PDZD2: variants seen among roughly 807,000 people sequenced by gnomAD.
PDZD2 encodes PDZ domain-containing protein 2.
PDZD2 carries 90 observed loss-of-function variants against 220.7 expected under a neutral mutation model. That is an observed-to-expected ratio of 0.41 (90% CI 0.34 to 0.49). PDZD2 has a LOEUF of 0.49. Ranked by LOEUF, PDZD2 falls within the 20% of genes least tolerant of loss-of-function variation. PDZD2 has a pLI of 0.28. For synonymous variants in PDZD2, 1,375 were observed against 1,450.5 expected, an observed-to-expected ratio of 0.95 and a Z score of 1.18; for missense variants, 3,174 against 3,608.5, an observed-to-expected ratio of 0.88 and a Z score of 3.08.
chr5:32,089,886 A>C lies in PDZD2; in HGVS notation c.6438A>C (p.Ser2146=), dbSNP rs773535198. 8 of 1,612,244 alleles carry C rather than the reference A, an allele frequency of 5.0e-6. No individual in the cohort carries two copies. The highest frequency in any genetic ancestry group is 2.2e-5 in the East Asian group (1 of 44,816). Residue 2146 remains serine, a synonymous_variant, in exon 20 of 25, where the codon TCA becomes TCC. Transcript: ENST00000438447. ...VAESSTSHPS[S]LPSHASQAEQ... is the part of the protein sequence containing the mutation. Reference sequence around the variant, plus strand: ...AATCATCCACAAGTCATCCATCCTCACTCCCATCTCATGCCTCCCAGGCAG... The same window carrying C: ...AATCATCCACAAGTCATCCATCCTCCCTCCCATCTCATGCCTCCCAGGCAG...
At chr5:31,719,987 G>T (rs563386596) in intron 1 of PDZD2, among the ~76,000 whole-genome samples, 1 of 152,356 alleles carries the variant, frequency 6.6e-6, no homozygotes, top group East Asian at 1.9e-4. Flanking sequence ...AAAGCAGCCA[G>T]TCCAGGCAAT....
At chr5:31,889,947 G>A (rs184181054) in intron 2 of PDZD2, among the ~76,000 whole-genome samples, 73 of 151,654 alleles carry the variant, frequency 4.8e-4, no homozygotes, top group African/African-American at 1.6e-3. Flanking sequence ...GCTTGAACCC[G>A]GGGGGGCAGA....
chr5:32,060,877 G>GTT (rs749884691), intron 13 of PDZD2, 125 bp from the exon 14 acceptor site: 5,585 of 374,604 alleles, frequency 0.015, 61 homozygotes, highest in South Asian at 0.05. Flanking sequence ...AACGGGAAAA[G>GTT]ATATGAGCTT....
At chr5:31,879,015 T>C (rs1197079775) in intron 2 of PDZD2, among the ~76,000 whole-genome samples, 4 of 152,086 alleles carry the variant, frequency 2.6e-5, no homozygotes, top group Admixed American at 2.6e-4. Context: ...GACATTGATA[T>C]GGTCATTCAC....
chr5:32,059,134 T>C (rs951175310), intron 12 of PDZD2, 105 bp from the exon 13 acceptor site: 1 of 625,412 alleles, frequency 1.6e-6, no homozygotes, highest in East Asian at 2.8e-5. Context: ...AAATAAATGG[T>C]TATTGGTCTG....
chr5:31,987,330 T>C (rs957319583), intron 3 of PDZD2, among the ~76,000 whole-genome samples: 4 of 152,224 alleles, frequency 2.6e-5, no homozygotes, highest in Non-Finnish European at 4.4e-5. Flanking sequence ...CCCTGTACAC[T>C]ACCAGACCCT....
rs142836842 is a variant in PDZD2 at position 31,920,807 on chromosome 5, A to G, written c.477-62348A>G. Among the ~76,000 whole-genome samples, 14 of 151,962 alleles carry G rather than the reference A, an allele frequency of 9.2e-5. No homozygotes were observed. The East Asian group carries it at 2.7e-3, about 29-fold the overall frequency. ...TCCCTCCAACACTTGGCACCCAGGG[A>G]TCTTCTTACTGTCTCCATAATTTTG... On this transcript the variant is annotated intron_variant, in intron 2 of 24. Coordinates refer to ENST00000438447, the MANE Select transcript of PDZD2 (RefSeq NM_178140.4).
intron 1 of PDZD2, among the ~76,000 whole-genome samples, chr5:31,750,487 A>G (rs963123300): frequency 6.6e-6 from 1 of 152,208 alleles, no homozygotes; most frequent in African/African-American, 2.4e-5. Flanking sequence ...GTGGAGGTAG[A>G]GGAGAGGAGA....
At chr5:31,846,173 G>GC (rs1477412328) in intron 2 of PDZD2, among the ~76,000 whole-genome samples, 1 of 152,170 alleles carries the variant, frequency 6.6e-6, no homozygotes, top group East Asian at 1.9e-4. Context: ...TCACTCTGTT[G>GC]CCCAGGCTTG....
At chr5:31,860,441 T>G (rs1737587393) in intron 2 of PDZD2, among the ~76,000 whole-genome samples, 1 of 152,162 alleles carries the variant, frequency 6.6e-6, no homozygotes, top group African/African-American at 2.4e-5. Context: ...CTTCCAAAAT[T>G]GTGTTGCAAT....
chr5:32,061,715 C>G (rs983363517), intron 14 of PDZD2, among the ~76,000 whole-genome samples: 1 of 152,022 alleles, frequency 6.6e-6, no homozygotes, highest in Non-Finnish European at 1.5e-5. Flanking sequence ...AAGTTTGAAA[C>G]CAGCCTGGGC....
At chr5:31,987,136 C>G (rs1421976168) in intron 3 of PDZD2, among the ~76,000 whole-genome samples, 1 of 152,038 alleles carries the variant, frequency 6.6e-6, no homozygotes, top group Non-Finnish European at 1.5e-5. Context: ...AGAGTTTTTG[C>G]GAGTCTGCTT....
chr5:32,021,700 C>T (rs765466276), intron 6 of PDZD2, among the ~76,000 whole-genome samples: 24 of 152,190 alleles, frequency 1.6e-4, no homozygotes, highest in Non-Finnish European at 2.6e-4. Context: ...AAAATCAGAA[C>T]GTCAGCTCCC....
At chr5:31,780,519 G>A (rs1228442493) in intron 1 of PDZD2, among the ~76,000 whole-genome samples, 1 of 152,170 alleles carries the variant, frequency 6.6e-6, no homozygotes, top group Non-Finnish European at 1.5e-5. Flanking sequence ...GAAAGCCAGT[G>A]TCTATAGAGA....
chr5:32,081,501 G>A (rs1741947898), intron 19 of PDZD2, among the ~76,000 whole-genome samples: 1 of 152,154 alleles, frequency 6.6e-6, no homozygotes, highest in South Asian at 2.1e-4. Context: ...AAGGGCTTTT[G>A]GGGTGTATCT....
In PDZD2 at chr5:32,108,621, G is replaced by T. The variant is rs1745043390; in HGVS notation, c.*486G>T. 6.5e-6 allele frequency: 1 copy of T among 152,774 alleles called. No individual in the cohort carries two copies. The highest frequency in any genetic ancestry group is 1.5e-5 in the Non-Finnish European group (1 of 68,190). The allele number at this position is 152,774 out of a possible 1,614,324, so 9.5% of individuals were successfully genotyped here. On this transcript the variant is annotated 3_prime_UTR_variant, in exon 25 of 25. Coordinates refer to ENST00000438447, the MANE Select transcript of PDZD2 (RefSeq NM_178140.4). Reference sequence around the variant, plus strand: ...AGAATGCTTTTAGGCACATTCAATGGAAGGAGGAGATGTAGGTCTGTATAT... The same window carrying T: ...AGAATGCTTTTAGGCACATTCAATGTAAGGAGGAGATGTAGGTCTGTATAT...
At position 31,766,130 on chromosome 5, in the gene PDZD2, T is replaced by C. The variant is rs543917099; in HGVS notation, c.-360-32759T>C. Among the ~76,000 whole-genome samples, 171 of 152,252 alleles carry C rather than the reference T, an allele frequency of 1.1e-3. 6 individuals carry two copies. In the South Asian group the frequency reaches 0.035, roughly 31 times the overall value. The stretch of plus-strand genomic sequence containing the variant: ...AGGAGGCTGAGGCTGCAGTGAGCAG[T>C]GATCAGGGTATTGCACTCCAGCCTA... On this transcript the variant is annotated intron_variant, in intron 1 of 24. Coordinates refer to ENST00000438447, the MANE Select transcript of PDZD2 (RefSeq NM_178140.4).
intron 2 of PDZD2, among the ~76,000 whole-genome samples, chr5:31,836,086 C>T (rs1382786225): frequency 6.6e-6 from 1 of 152,134 alleles, no homozygotes; most frequent in Non-Finnish European, 1.5e-5. Flanking sequence ...AAGGATTCTG[C>T]GTTGGTGCTC....
chr5:31,692,639 C>T (rs1747189775), intron 1 of PDZD2, among the ~76,000 whole-genome samples: 1 of 152,246 alleles, frequency 6.6e-6, no homozygotes, highest in South Asian at 2.1e-4. Flanking sequence ...CTTGGACCAG[C>T]TCACGGCAGC....
Sources: gnomAD v4.1 joint callset for allele counts (sites outside exome capture counted in the v4.1 genomes callset) on GRCh38, gnomAD v4.1.1 for gene constraint, MANE v1.5 for transcripts, NCBI Gene and HGNC (gene_info 2026-07-23, HGNC 2026-07-21) for gene names.